Variants in TDRD12 observed in about 807,000 individuals in gnomAD.
The protein encoded by TDRD12 is tudor domain containing 12.
A neutral mutation model predicts 133.5 loss-of-function variants in TDRD12; 158 were observed. The observed-to-expected ratio is 1.18, with a 90% CI of 1.04 to 1.35. The LOEUF is 1.35. Ranked by LOEUF, TDRD12 falls within the 40% of genes most tolerant of loss-of-function variation. The pLI, the probability that TDRD12 is intolerant of heterozygous loss-of-function variation, is 0.00. For synonymous variants in TDRD12, 460 were observed against 477.9 expected (o/e 0.96, Z 0.49); for missense variants, 1,443 against 1,321.3 (o/e 1.09, Z -1.43).
At chr19:32,749,903 A>T (rs762252186) in intron 6 of TDRD12, 34 bp downstream of exon 6, 3 of 1,404,604 alleles carry the variant, frequency 2.1e-6, no homozygotes, top group Non-Finnish European at 2.9e-6. Flanking sequence ...ATAATATTTC[A>T]TCATTTTAAA....
chr19:32,787,595 C>T (rs539150757), intron 11 of TDRD12, among the ~76,000 whole-genome samples: 24 of 152,188 alleles, frequency 1.6e-4, no homozygotes, highest in Admixed American at 7.9e-4. Flanking sequence ...TGAGCTTCCC[C>T]GCTGCTTTGT....
chr19:32,827,437 T>C, exon 10 of TDRD12: 1 of 312,132 alleles, frequency 3.2e-6, no homozygotes. Flanking sequence ...TGGAGTGCAG[T>C]GGCATGATCT....
rs541590961 is a variant in TDRD12 at position 32,765,796 on chromosome 19, A to G, written c.866-6957A>G. 1.6e-3 allele frequency among the ~76,000 whole-genome samples: 246 copies of G among 152,096 alleles called. 1 individual carries two copies. Among genetic ancestry groups the G allele is most frequent in the African/African-American group, 5.4e-3 (223 of 41,482 alleles). ...GGAGATATACCTAATGTTAAATGACAAGTTAATGGGTGCAGCACACCAACA... is the reference window on the plus strand; with the variant it reads ...GGAGATATACCTAATGTTAAATGACGAGTTAATGGGTGCAGCACACCAACA... On this transcript the variant is annotated intron_variant, in intron 8 of 27. Transcript: ENST00000444215.
At chr19:32,802,864 T>C in intron 20 of TDRD12, 58 bp from the exon 21 acceptor site, 1 of 1,529,230 alleles carries the variant, frequency 6.5e-7, no homozygotes, top group African/African-American at 1.4e-5. Flanking sequence ...GTCCACAAGG[T>C]TTCCTCAGTC....
At chr19:32,800,255 A>G in exon 17 of TDRD12, 5 of 1,535,326 alleles carry the variant, frequency 3.3e-6, no homozygotes, top group Non-Finnish European at 4.4e-6. Flanking sequence ...GTTGGAGTTC[A>G]TTGGAACAAA....
chr19:32,749,753 G>T (rs1426136438), intron 5 of TDRD12, 31 bp from the exon 6 acceptor site: 1 of 1,455,444 alleles, frequency 6.9e-7, no homozygotes, highest in Non-Finnish European at 9.4e-7. Flanking sequence ...TTTAACATCA[G>T]CTGATTTGTG....
At chr19:32,763,182 A>G (rs1970199302) in intron 8 of TDRD12, among the ~76,000 whole-genome samples, 1 of 152,018 alleles carries the variant, frequency 6.6e-6, no homozygotes, top group Admixed American at 6.6e-5. Context: ...TTATTACTGT[A>G]TTTGATTTAT....
At chr19:32,791,945 TAAAA>T (rs33969319) in intron 13 of TDRD12, among the ~76,000 whole-genome samples, 1 of 143,042 alleles carries the variant, frequency 7.0e-6, no homozygotes, top group Non-Finnish European at 1.5e-5. Flanking sequence ...GCCTTCACCT[TAAAA>T]AAAAAAAAAA....
chr19:32,749,657 C>A, intron 5 of TDRD12, 127 bp from the exon 6 acceptor site: 1 of 659,912 alleles, frequency 1.5e-6, no homozygotes, highest in Non-Finnish European at 2.6e-6. Context: ...TCCCCCTGGT[C>A]CTGCCCGAGG....
At chr19:32,772,977 T>G in intron 9 of TDRD12, 127 bp downstream of exon 9, 1 of 492,974 alleles carries the variant, frequency 2.0e-6, no homozygotes, top group Non-Finnish European at 3.4e-6. Context: ...CATGATAGTT[T>G]CCTTCATGAG....
chr19:32,797,061 A>T (rs981744355), intron 14 of TDRD12, among the ~76,000 whole-genome samples: 2 of 150,876 alleles, frequency 1.3e-5, no homozygotes, highest in African/African-American at 4.9e-5. Context: ...GCTCACTGCA[A>T]CCTCTGCCTC....
At chr19:32,777,073 T>C (rs1970604026) in intron 10 of TDRD12, 76 bp from the exon 11 acceptor site, 7 of 931,580 alleles carry the variant, frequency 7.5e-6, no homozygotes, top group Non-Finnish European at 1.1e-5. Context: ...TTTTTATTTT[T>C]GTCGAGATGG....
chr19:32,758,078 C>CA (rs1970047652), intron 8 of TDRD12, among the ~76,000 whole-genome samples: 1 of 152,204 alleles, frequency 6.6e-6, no homozygotes, highest in African/African-American at 2.4e-5. Context: ...CCTACCCACT[C>CA]AGCCCATCTG....
intron 4 of TDRD12, among the ~76,000 whole-genome samples, chr19:32,747,279 G>T (rs187536236): frequency 6.6e-6 from 1 of 152,198 alleles, no homozygotes. Flanking sequence ...CTAATTATTA[G>T]GTAATTCTTT....
At chr19:32,794,715 A>G (rs1272828387) in exon 14 of TDRD12, 1 of 703,216 alleles carries the variant, frequency 1.4e-6, no homozygotes, top group South Asian at 1.5e-5. Flanking sequence ...TGTGGTTGTC[A>G]TTTCTCACTG....
chr19:32,824,868 T>A (rs1047008317), downstream of TDRD12, among the ~76,000 whole-genome samples: 1 of 152,200 alleles, frequency 6.6e-6, no homozygotes, highest in African/African-American at 2.4e-5. Flanking sequence ...TCCTCAACTT[T>A]GGATAAATCA....
chr19:32,758,683 C>T (rs1970064298), intron 8 of TDRD12, among the ~76,000 whole-genome samples: 1 of 152,120 alleles, frequency 6.6e-6, no homozygotes, highest in Non-Finnish European at 1.5e-5. Flanking sequence ...ACCTGTAATC[C>T]CAGCACCTTG....
chr19:32,823,068 C>T (rs955390706), downstream of TDRD12, among the ~76,000 whole-genome samples: 7 of 152,180 alleles, frequency 4.6e-5, no homozygotes, highest in Non-Finnish European at 8.8e-5. Context: ...TCCCTCATTC[C>T]GCTTCCCAGG....
intron 1 of TDRD12, 92 bp from the exon 2 acceptor site, chr19:32,731,633 A>G (rs920780721): frequency 8.4e-7 from 1 of 1,197,198 alleles, no homozygotes. Flanking sequence ...AGGTCACTTA[A>G]ATTAGAAACA....
Sources: allele counts gnomAD v4.1 joint callset (sites outside exome capture counted in the v4.1 genomes callset), GRCh38; gene constraint gnomAD v4.1.1; transcripts MANE v1.5; gene names NCBI Gene and HGNC (gene_info 2026-07-23, HGNC 2026-07-21).